The following PTAFR variants were observed in gnomAD, a reference collection of about 807,000 sequenced individuals.
PTAFR encodes the protein platelet activating factor receptor.
Under a neutral mutation model 14.7 loss-of-function variants are expected in PTAFR, and 8 were observed. The observed-to-expected ratio is 0.54, with a 90% CI of 0.32 to 0.98. PTAFR has a LOEUF of 0.98. Among genes scored for constraint, PTAFR ranks in the 50% least tolerant of loss-of-function variants. The pLI is 0.04. For missense variants in PTAFR, 337 were observed against 451.2 expected, an observed-to-expected ratio of 0.75 and a Z score of 2.29; for synonymous variants, 156 against 176.5, an observed-to-expected ratio of 0.88 and a Z score of 0.92.
chr1:28,165,675 CG>C (rs1646377831), intron 1 of PTAFR, among the ~76,000 whole-genome samples: 2 of 151,494 alleles, frequency 1.3e-5, no homozygotes, highest in African/African-American at 4.8e-5. Context: ...CCCAGCTACT[CG>C]GGAGGCTGAG....
At chr1:28,193,812 T>C (rs1646677306) in exon 1 of PTAFR, 2 of 152,438 alleles carry the variant, frequency 1.3e-5, no homozygotes, top group Non-Finnish European at 2.9e-5. Context: ...GGACGGCTTC[T>C]CGGGGAGGTC....
In PTAFR at chr1:28,175,797, G is replaced by A. The variant is rs115931222; in HGVS notation, c.-39+795C>T. On this transcript the variant is annotated intron_variant, in intron 1 of 1. Coordinates refer to ENST00000373857, the MANE Select transcript of PTAFR (RefSeq NM_000952.5). Reference sequence around the variant, plus strand: ...CTGTACCAGATCCTTTATATGACCCGACAATTCTGTGGGGGAGATGGGATT... The same window carrying A: ...CTGTACCAGATCCTTTATATGACCCAACAATTCTGTGGGGGAGATGGGATT... Among the ~76,000 whole-genome samples the A allele has an allele frequency of 2.3e-3, 357 of 152,168 alleles. 1 individual carries two copies. Among genetic ancestry groups the A allele is most frequent in the Middle Eastern group, 0.014 (4 of 294 alleles).
Position 28,150,681 on chromosome 1 carries a change from T to C in PTAFR, c.341A>G (p.Asn114Ser), listed in dbSNP as rs138629813. ...GGGCCGAGTTACTGCCTGGAAGCGG[T>C]TATAAGTGATGACGCCCAGGAAGGC... ...SVAFLGVITY[N>S]RFQAVTRPIK... Residue 114 changes from asparagine to serine, a missense_variant, in exon 2 of 2, where the codon AAC becomes AGC. Asn to Ser is a conservative substitution (Grantham distance 46). Transcript: ENST00000373857. This position sits in a 1 kb window ranked among gnomAD's most constrained non-coding sequence, Gnocchi z 6.3. 2.9e-3 allele frequency: 4,691 copies of C among 1,613,812 alleles called. 23 individuals carry two copies. The highest frequency in any genetic ancestry group is 7.4e-3 in the Middle Eastern group (45 of 6,062).
upstream of PTAFR, among the ~76,000 whole-genome samples, chr1:28,179,426 T>C (rs554798723): frequency 4.6e-5 from 7 of 152,348 alleles, no homozygotes; most frequent in Admixed American, 4.6e-4. Flanking sequence ...TAGATATTAC[T>C]ATCAATATTT....
At chr1:28,165,566 G>A (rs373226614) in intron 1 of PTAFR, among the ~76,000 whole-genome samples, 4 of 151,710 alleles carry the variant, frequency 2.6e-5, no homozygotes, top group South Asian at 4.2e-4. Flanking sequence ...GGCGGATCAC[G>A]AGGTCAGGAG....
intron 1 of PTAFR, among the ~76,000 whole-genome samples, chr1:28,158,524 C>G (rs931678217): frequency 3.3e-5 from 5 of 152,140 alleles, no homozygotes; most frequent in Admixed American, 2.0e-4. Flanking sequence ...ATGGTGAAAC[C>G]CTGTCTCTAC....
intron 1 of PTAFR, among the ~76,000 whole-genome samples, chr1:28,183,763 G>C (rs543660038): frequency 2.0e-5 from 3 of 152,080 alleles, no homozygotes; most frequent in Non-Finnish European, 4.4e-5. Context: ...GCACATGCCT[G>C]TTAATCCCAG....
chr1:28,184,175 C>A (rs1646587210), intron 1 of PTAFR, among the ~76,000 whole-genome samples: 1 of 150,282 alleles, frequency 6.7e-6, no homozygotes. Context: ...TCACTCCAAC[C>A]TCCGCCTCCC....
At chr1:28,158,369 A>G (rs570984864) in intron 1 of PTAFR, among the ~76,000 whole-genome samples, 1 of 152,184 alleles carries the variant, frequency 6.6e-6, no homozygotes, top group Non-Finnish European at 1.5e-5. Flanking sequence ...TGGTTTGGCC[A>G]AAACTTTAAG....
intron 1 of PTAFR, among the ~76,000 whole-genome samples, chr1:28,162,161 C>T (rs74432414): frequency 2.0e-5 from 3 of 152,122 alleles, no homozygotes; most frequent in Non-Finnish European, 4.4e-5. Context: ...GTAACATGAT[C>T]GGACTCGCTC....
In PTAFR at chr1:28,150,892, A is replaced by G. The variant is rs1646178185; in HGVS notation, c.130T>C (p.Tyr44His). The G allele has an allele frequency of 6.2e-7, 1 of 1,614,028 alleles. No homozygotes were observed. Among genetic ancestry groups the G allele is most frequent in the Non-Finnish European group, 8.5e-7 (1 of 1,180,044 alleles). ...ATCTCATTGAATTTCTTGCAAGGGT[A>G]CAGGCGGGCAAAGACCCACAGCACG... Reference protein sequence around the residue: ...GYVLWVFARLYPCKKFNEIKI... With the variant: ...GYVLWVFARLHPCKKFNEIKI... The change falls in exon 2 of 2, where the codon TAC becomes CAC. Residue 44 changes from tyrosine to histidine, a missense_variant. Coordinates refer to ENST00000373857, the MANE Select transcript of PTAFR (RefSeq NM_000952.5). The surrounding 1 kb of genome is among the most constrained non-coding windows in gnomAD (Gnocchi z 6.3).
At chr1:28,168,606 G>A (rs949412907) in intron 1 of PTAFR, among the ~76,000 whole-genome samples, 3 of 152,172 alleles carry the variant, frequency 2.0e-5, no homozygotes, top group Non-Finnish European at 4.4e-5. Flanking sequence ...GGGCTGGGAG[G>A]AGGGGAAAAT....
At chr1:28,161,198 CT>C (rs1296859725) in intron 1 of PTAFR, among the ~76,000 whole-genome samples, 1 of 152,194 alleles carries the variant, frequency 6.6e-6, no homozygotes, top group Non-Finnish European at 1.5e-5. Context: ...AGTGCCCATT[CT>C]TTGGACTTCC....
At chr1:28,178,917 A>G (rs1646540787), upstream of PTAFR, among the ~76,000 whole-genome samples, 1 of 151,904 alleles carries the variant, frequency 6.6e-6, no homozygotes, top group African/African-American at 2.4e-5. Context: ...ACTTTGGGAG[A>G]CCAAGGCAGG....
Position 28,149,478 on chromosome 1 carries a change from C to T in PTAFR, c.*515G>A, listed in dbSNP as rs1012403426. The T allele has an allele frequency of 3.8e-5, 6 of 156,140 alleles. No homozygotes were observed. The highest frequency in any genetic ancestry group is 1.2e-4 in the Admixed American group (2 of 16,262). 9.7% of individuals were successfully genotyped at this position (156,140 alleles called of 1,614,324 possible). A position where few individuals can be genotyped will look rare whatever the true frequency, so the allele number is the denominator to read the frequency against. ...CCTCCTGAGTAGCTGGGACTACAGG[C>T]GTGTGCCACCATGCCCGGCTAATTT... is the stretch of plus-strand genomic sequence containing the variant. On this transcript the variant is annotated 3_prime_UTR_variant, in exon 2 of 2. Transcript: ENST00000373857.
At chr1:28,168,063 A>C (rs1383754198) in intron 1 of PTAFR, among the ~76,000 whole-genome samples, 1 of 125,782 alleles carries the variant, frequency 8.0e-6, no homozygotes. Context: ...GGTTCACGCC[A>C]TTCTCCCGCC....
chr1:28,187,179 T>G (rs1031249147), intron 1 of PTAFR, among the ~76,000 whole-genome samples: 1 of 152,062 alleles, frequency 6.6e-6, no homozygotes, highest in Non-Finnish European at 1.5e-5. Flanking sequence ...CGTTTACTGA[T>G]GAGAAAAGGG....
chr1:28,165,403 C>CAAAAAAAAAAA (rs36099131), intron 1 of PTAFR, among the ~76,000 whole-genome samples: 2 of 45,890 alleles, frequency 4.4e-5, no homozygotes, highest in Non-Finnish European at 9.0e-5. Flanking sequence ...GACTCTGTCT[C>CAAAAAAAAAAA]AAAAAAAAAA....
chr1:28,178,247 CT>C (rs962067655), upstream of PTAFR, among the ~76,000 whole-genome samples: 3 of 152,120 alleles, frequency 2.0e-5, no homozygotes, highest in Admixed American at 1.3e-4. Flanking sequence ...GGACAAAACA[CT>C]TTTTTTATTT....
Sources: gnomAD v4.1 joint callset for allele counts (sites outside exome capture counted in the v4.1 genomes callset) on GRCh38, gnomAD v4.1.1 for gene constraint, Gnocchi (gnomAD v3.1) non-coding constraint, MANE v1.5 for transcripts, NCBI Gene and HGNC (gene_info 2026-07-23, HGNC 2026-07-21) for gene names.